The following TBC1D32 variants were observed in gnomAD, a reference collection of about 807,000 sequenced individuals.
The protein encoded by TBC1D32 is TBC1 domain family member 32.
A neutral mutation model predicts 170.3 loss-of-function variants in TBC1D32; 151 were observed. That is an observed-to-expected ratio of 0.89 (90% CI 0.78 to 1.01). TBC1D32 has a LOEUF of 1.01. TBC1D32 is among the 50% of genes least tolerant of loss of function. TBC1D32 has a pLI of 0.00. For synonymous variants in TBC1D32, 498 were observed against 488.0 expected, an observed-to-expected ratio of 1.02 and a Z score of -0.27; for missense variants, 1,464 against 1,457.1, an observed-to-expected ratio of 1.00 and a Z score of -0.08.
At chr6:121,235,113 C>A (rs1474086540) in intron 20 of TBC1D32, among the ~76,000 whole-genome samples, 1 of 152,120 alleles carries the variant, frequency 6.6e-6, no homozygotes, top group Non-Finnish European at 1.5e-5. Context: ...GTGGAGGTGG[C>A]AGGGGAGTCA....
At chr6:121,293,888 G>A (rs1251260179) in intron 11 of TBC1D32, among the ~76,000 whole-genome samples, 2 of 152,098 alleles carry the variant, frequency 1.3e-5, no homozygotes. Flanking sequence ...TCCAGCCTGG[G>A]TGATACAGCG....
At chr6:121,141,070 C>T (rs927559471) in intron 24 of TBC1D32, among the ~76,000 whole-genome samples, 10 of 152,094 alleles carry the variant, frequency 6.6e-5, no homozygotes, top group Non-Finnish European at 1.5e-4. Context: ...GTACTGCCTA[C>T]TACTTAAGGC....
chr6:121,097,690 TG>T (rs1281374586), intron 30 of TBC1D32, among the ~76,000 whole-genome samples: 3 of 152,148 alleles, frequency 2.0e-5, no homozygotes, highest in Non-Finnish European at 2.9e-5. Flanking sequence ...ATCCCATTAC[TG>T]GTTATATACT....
chr6:121,231,132 G>A (rs1435726737), intron 20 of TBC1D32, among the ~76,000 whole-genome samples: 2 of 152,022 alleles, frequency 1.3e-5, no homozygotes, highest in African/African-American at 4.8e-5. Flanking sequence ...TTTGCATAAG[G>A]TGAAAGAGGA....
At chr6:121,187,657 T>C (rs907293568) in intron 22 of TBC1D32, among the ~76,000 whole-genome samples, 7 of 151,482 alleles carry the variant, frequency 4.6e-5, no homozygotes, top group African/African-American at 1.7e-4. Flanking sequence ...AGATAGGTAA[T>C]TGGATCCCAG....
At chr6:121,324,961 G>A (rs1327642544) in intron 1 of TBC1D32, among the ~76,000 whole-genome samples, 3 of 152,208 alleles carry the variant, frequency 2.0e-5, no homozygotes, top group Admixed American at 2.0e-4. Flanking sequence ...TGTAATCCCA[G>A]TACTTTGGGA....
intron 24 of TBC1D32, among the ~76,000 whole-genome samples, chr6:121,146,416 G>A (rs963148885): frequency 1.3e-5 from 2 of 152,330 alleles, no homozygotes; most frequent in East Asian, 1.9e-4. Flanking sequence ...AATTGGCACC[G>A]ATGTAGTTAA....
At chr6:121,241,820 C>A (rs1302603748) in intron 18 of TBC1D32, among the ~76,000 whole-genome samples, 4 of 152,078 alleles carry the variant, frequency 2.6e-5, no homozygotes, top group Admixed American at 2.0e-4. Context: ...AATGCCTCTA[C>A]AAATATTTTT....
chr6:121,208,189 A>T (rs1461496264), intron 21 of TBC1D32, among the ~76,000 whole-genome samples: 1 of 152,002 alleles, frequency 6.6e-6, no homozygotes, highest in African/African-American at 2.4e-5. Context: ...GTCATTGCAG[A>T]GGTTAAGAGT....
At chr6:121,278,253 A>G (rs1375411336) in intron 15 of TBC1D32, among the ~76,000 whole-genome samples, 1 of 152,140 alleles carries the variant, frequency 6.6e-6, no homozygotes, top group Non-Finnish European at 1.5e-5. Context: ...CATTTATTAT[A>G]AGGTCACCAT....
chr6:121,231,627 GGTGGTATCACATT>G (rs758048347), intron 20 of TBC1D32, among the ~76,000 whole-genome samples: 4 of 152,046 alleles, frequency 2.6e-5, no homozygotes, highest in African/African-American at 4.8e-5. Flanking sequence ...CCAGGAATAA[GGTGGTATCACATT>G]GTGGTTTTGA....
At chr6:121,158,948 T>C (rs1354979008) in intron 24 of TBC1D32, among the ~76,000 whole-genome samples, 1 of 152,126 alleles carries the variant, frequency 6.6e-6, no homozygotes, top group Non-Finnish European at 1.5e-5. Flanking sequence ...TGGGCTTACA[T>C]GTTCAGTCTT....
Position 121,252,107 on chromosome 6 carries a change from G to A in TBC1D32, c.2018+3221C>T, listed in dbSNP as rs144918154. On this transcript the variant is annotated intron_variant, in intron 17 of 31. Transcript: ENST00000398212. Reference sequence around the variant, plus strand: ...AGAGAGGATGTCGAGAAATAGGGACGATTTTACACTGTTGGCGGGAGTGTA... The same window carrying A: ...AGAGAGGATGTCGAGAAATAGGGACAATTTTACACTGTTGGCGGGAGTGTA... 2.4e-4 allele frequency among the ~76,000 whole-genome samples: 37 copies of A among 152,224 alleles called. No homozygotes were observed. In the East Asian group the frequency reaches 3.3e-3, roughly 14 times the overall value.
chr6:121,084,611 A>G (rs1284240435), intron 31 of TBC1D32, among the ~76,000 whole-genome samples: 3 of 152,114 alleles, frequency 2.0e-5, no homozygotes, highest in African/African-American at 7.2e-5. Context: ...AAATGTGTCT[A>G]TTTTGAAAAG....
chr6:121,106,246 A>C, intron 29 of TBC1D32, 83 bp from the exon 30 acceptor site: 1 of 880,536 alleles, frequency 1.1e-6, no homozygotes. Context: ...CAACATACCT[A>C]TTTTCCTTTT....
intron 20 of TBC1D32, among the ~76,000 whole-genome samples, chr6:121,224,659 A>T (rs973618949): frequency 2.2e-4 from 33 of 152,076 alleles, no homozygotes; most frequent in Non-Finnish European, 4.4e-4. Flanking sequence ...ACACTATTTG[A>T]CACCGACACC....
chr6:121,223,921 GC>G (rs1667066947), intron 20 of TBC1D32, among the ~76,000 whole-genome samples: 1 of 152,026 alleles, frequency 6.6e-6, no homozygotes, highest in African/African-American at 2.4e-5. Flanking sequence ...CACTCTCATT[GC>G]ATCTTATTAA....
chr6:121,273,608 C>T lies in TBC1D32; in HGVS notation c.1733+5513G>A, dbSNP rs151257142. 8.9e-3 allele frequency among the ~76,000 whole-genome samples: 1,331 copies of T among 149,744 alleles called. 23 individuals are homozygous for T. The highest frequency in any genetic ancestry group is 0.031 in the African/African-American group (1,258 of 40,730). On this transcript the variant is annotated intron_variant, in intron 15 of 31. Coordinates refer to ENST00000398212, the MANE Select transcript of TBC1D32 (RefSeq NM_152730.6). Reference sequence around the variant, plus strand: ...ATATGTAAAAAACCTGCACATTGTGCACATGTACCCTAGAACTTAAAGTAT... The same window carrying T: ...ATATGTAAAAAACCTGCACATTGTGTACATGTACCCTAGAACTTAAAGTAT...
At chr6:121,141,279 G>A (rs1313551645) in intron 24 of TBC1D32, among the ~76,000 whole-genome samples, 3 of 152,096 alleles carry the variant, frequency 2.0e-5, no homozygotes, top group Non-Finnish European at 4.4e-5. Context: ...AAGCTCAAAA[G>A]GTTTAAACAG....
Sources: allele counts gnomAD v4.1 joint callset (sites outside exome capture counted in the v4.1 genomes callset), GRCh38; gene constraint gnomAD v4.1.1; transcripts MANE v1.5; gene names NCBI Gene and HGNC (gene_info 2026-07-23, HGNC 2026-07-21).